FOXD3: variants seen among roughly 807,000 people sequenced by gnomAD.
FOXD3 encodes forkhead box D3.
In FOXD3, 3 loss-of-function variants were observed where a neutral mutation model predicts 3.6. The ratio of observed to expected loss-of-function variants is 0.84; its 90% CI spans 0.38 to 2.18. FOXD3 has a LOEUF of 2.18. Ranked by LOEUF, FOXD3 falls within the 30% of genes most tolerant of loss-of-function variation. The pLI is 0.06. For synonymous variants in FOXD3, 391 were observed against 360.9 expected, an observed-to-expected ratio of 1.08 and a Z score of -0.94; for missense variants, 686 against 731.6, an observed-to-expected ratio of 0.94 and a Z score of 0.72.
chr1:63,324,047 C>T lies in FOXD3; in HGVS notation c.989C>T (p.Ala330Val). The part of the protein sequence containing the change: ...LLPSGELGRK[A>V]AAFGSQLGPG... Reference sequence around the variant, plus strand: ...CCCTCGGGCGAGCTGGGCCGCAAAGCGGCCGCCTTCGGCTCACAGCTCGGC... The same window carrying T: ...CCCTCGGGCGAGCTGGGCCGCAAAGTGGCCGCCTTCGGCTCACAGCTCGGC... Residue 330 changes from alanine (A) to valine (V), a missense_variant, in exon 1 of 1, where the codon GCG becomes GTG. Physicochemically the swap from Ala to Val is moderately conservative, Grantham distance 64. This residue lies in a region of FOXD3 where 370 missense variants were observed against 372.3 expected (regional missense o/e 0.99). Transcript: ENST00000371116. The surrounding 1 kb of genome is among the most constrained non-coding windows in gnomAD (Gnocchi z 4.1). 2 of 1,383,130 alleles carry T rather than the reference C, an allele frequency of 1.4e-6. No homozygotes were observed. Among genetic ancestry groups the T allele is most frequent in the South Asian group, 3.3e-5 (2 of 60,034 alleles). The allele number at this position is 1,383,130 out of a possible 1,614,324, so 85.7% of individuals were successfully genotyped here.
In FOXD3 at chr1:63,322,803, C is replaced by G; in HGVS notation, c.-256C>G. 1 of 985,366 alleles carries G rather than the reference C, an allele frequency of 1.0e-6. No homozygotes were observed. The highest frequency in any genetic ancestry group is 4.7e-5 in the South Asian group (1 of 21,288). The allele number at this position is 985,366 out of a possible 1,614,324, so 61.0% of individuals were successfully genotyped here. Reference sequence around the variant, plus strand: ...GGGAGCGGTAGCGAGCGCCTAGTACCGAGCGCCAGGGACGGCAGGAGTTCG... The same window carrying G: ...GGGAGCGGTAGCGAGCGCCTAGTACGGAGCGCCAGGGACGGCAGGAGTTCG... On this transcript the variant is annotated 5_prime_UTR_variant, in exon 1 of 1. Coordinates refer to ENST00000371116, the MANE Select transcript of FOXD3 (RefSeq NM_012183.3).
At position 63,324,112 on chromosome 1, in the gene FOXD3, G is replaced by A; in HGVS notation, c.1054G>A (p.Ala352Thr). ...QLQLNSLGAA[A>T]AAAGTAGAAG... ...GCAGCTCAATAGCCTGGGCGCCGCCGCGGCCGCTGCGGGCACAGCGGGCGC... is the reference window on the plus strand; with the variant it reads ...GCAGCTCAATAGCCTGGGCGCCGCCACGGCCGCTGCGGGCACAGCGGGCGC... The change falls in exon 1 of 1, where the codon GCG (alanine) becomes ACG (threonine). Residue 352 changes from alanine (A) to threonine (T), a missense_variant. This residue lies in a region of FOXD3 where 370 missense variants were observed against 372.3 expected (regional missense o/e 0.99). Coordinates refer to ENST00000371116, the MANE Select transcript of FOXD3 (RefSeq NM_012183.3). The surrounding 1 kb of genome is among the most constrained non-coding windows in gnomAD (Gnocchi z 4.1). The A allele has an allele frequency of 2.8e-6, 4 of 1,430,516 alleles. No individual in the cohort carries two copies. The highest frequency in any genetic ancestry group is 3.6e-5 in the Admixed American group (1 of 27,610). The allele number at this position is 1,430,516 out of a possible 1,614,324, so 88.6% of individuals were successfully genotyped here. A position where few individuals can be genotyped will look rare whatever the true frequency, so the allele number is the denominator to read the frequency against.
Position 63,323,988 on chromosome 1 carries a change from G to A in FOXD3, c.930G>A (p.Val310=). 2.3e-6 allele frequency: 3 copies of A among 1,281,286 alleles called. No homozygotes were observed. Among genetic ancestry groups the A allele is most frequent in the Non-Finnish European group, 2.9e-6 (3 of 1,019,196 alleles). 79.4% of individuals were successfully genotyped at this position (1,281,286 alleles called of 1,614,324 possible). ...AGTACCCGTACGCGCTGCCGCCGGT[G>A]GCACCGGTGCTGCCTCCCGCTGTGC... The part of the protein sequence containing the change: ...ALQYPYALPP[V]APVLPPAVPL... Residue 310 remains valine (V), a synonymous_variant, in exon 1 of 1, where the codon GTG becomes GTA. Coordinates refer to ENST00000371116, the MANE Select transcript of FOXD3 (RefSeq NM_012183.3). The surrounding 1 kb of genome is among the most constrained non-coding windows in gnomAD (Gnocchi z 6.8).
chr1:63,324,393 G>C lies in FOXD3; in HGVS notation c.1335G>C (p.Ala445=), dbSNP rs762503325. 15 of 1,587,206 alleles carry C rather than the reference G, an allele frequency of 9.5e-6. No homozygotes were observed. The highest frequency in any genetic ancestry group is 1.7e-4 in the Middle Eastern group (1 of 6,048). Reference sequence around the variant, plus strand: ...TGAGCCGGACGACTGCCACCATCGCGCCCATTCTTAGCGTGCCACTCTCCG... The same window carrying C: ...TGAGCCGGACGACTGCCACCATCGCCCCCATTCTTAGCGTGCCACTCTCCG... ...LSLSRTTATI[A]PILSVPLSGQ... The change falls in exon 1 of 1, where the codon GCG becomes GCC. Residue 445 remains alanine (A), a synonymous_variant. Coordinates refer to ENST00000371116, the MANE Select transcript of FOXD3 (RefSeq NM_012183.3). This position sits in a 1 kb window ranked among gnomAD's most constrained non-coding sequence, Gnocchi z 4.1.
chr1:63,323,011 C>A lies in FOXD3; in HGVS notation c.-48C>A. 3 of 1,508,596 alleles carry A rather than the reference C, an allele frequency of 2.0e-6. No homozygotes were observed. The highest frequency in any genetic ancestry group is 5.3e-5 in the East Asian group (2 of 37,652). The allele number at this position is 1,508,596 out of a possible 1,614,324, so 93.5% of individuals were successfully genotyped here. A position where few individuals can be genotyped will look rare whatever the true frequency, so the allele number is the denominator to read the frequency against. ...CTCCGTGGCAGCCCCCGAACACCCT[C>A]ATCGCCCGCTGCCCCCTCCCCGCCG... On this transcript the variant is annotated 5_prime_UTR_variant, in exon 1 of 1. Coordinates refer to ENST00000371116, the MANE Select transcript of FOXD3 (RefSeq NM_012183.3). The surrounding 1 kb of genome is among the most constrained non-coding windows in gnomAD (Gnocchi z 6.8).
In FOXD3 at chr1:63,322,976, T is replaced by C; in HGVS notation, c.-83T>C. On this transcript the variant is annotated 5_prime_UTR_variant, in exon 1 of 1. Coordinates refer to ENST00000371116, the MANE Select transcript of FOXD3 (RefSeq NM_012183.3). ...ATCTTTCGGGGGCACTCAAACCCTC[T>C]TCCCCTGAGCTCCGTGGCAGCCCCC... The C allele has an allele frequency of 6.9e-7, 1 of 1,459,796 alleles. No individual in the cohort carries two copies. The allele number at this position is 1,459,796 out of a possible 1,614,324, so 90.4% of individuals were successfully genotyped here. A position where few individuals can be genotyped will look rare whatever the true frequency, so the allele number is the denominator to read the frequency against.
Position 63,323,438 on chromosome 1 carries a change from C to A in FOXD3, c.380C>A (p.Ala127Glu). 1.3e-6 allele frequency: 2 copies of A among 1,577,576 alleles called. No individual in the cohort carries two copies. Among genetic ancestry groups the A allele is most frequent in the Middle Eastern group, 2.1e-4 (1 of 4,850 alleles). The change falls in exon 1 of 1, where the codon GCG (alanine) becomes GAG (glutamate). Residue 127 changes from alanine (A) to glutamate (E), a missense_variant. By Grantham distance (107) the Ala-to-Glu change is moderately radical. This residue lies in a region of FOXD3 where 232 missense variants were observed against 214.0 expected (regional missense o/e 1.08). Coordinates refer to ENST00000371116, the MANE Select transcript of FOXD3 (RefSeq NM_012183.3). This position sits in a 1 kb window ranked among gnomAD's most constrained non-coding sequence, Gnocchi z 6.8. ...GGGPGAGSGS[A>E]GGLAPSKPKN... is the part of the protein sequence containing the mutation. The stretch of plus-strand genomic sequence containing the variant: ...GGGCCTGGCGCGGGCAGCGGTTCGG[C>A]GGGAGGCCTGGCCCCGAGCAAGCCC...
Position 63,324,077 on chromosome 1 carries a change from G to C in FOXD3, c.1019G>C (p.Gly340Ala), listed in dbSNP as rs1307638686. Reference sequence around the variant, plus strand: ...GCCTTCGGCTCACAGCTCGGCCCGGGCCTGCAGCTGCAGCTCAATAGCCTG... The same window carrying C: ...GCCTTCGGCTCACAGCTCGGCCCGGCCCTGCAGCTGCAGCTCAATAGCCTG... ...AAAFGSQLGP[G>A]LQLQLNSLGA... is the part of the protein sequence containing the mutation. The change falls in exon 1 of 1, where the codon GGC (glycine) becomes GCC (alanine). Residue 340 changes from glycine (G) to alanine (A), a missense_variant. This residue lies in a region of FOXD3 where 370 missense variants were observed against 372.3 expected (regional missense o/e 0.99). Transcript: ENST00000371116. This position sits in a 1 kb window ranked among gnomAD's most constrained non-coding sequence, Gnocchi z 4.1. 7.0e-7 allele frequency: 1 copy of C among 1,420,612 alleles called. No individual in the cohort carries two copies. Among genetic ancestry groups the C allele is most frequent in the East Asian group, 3.1e-5 (1 of 32,648 alleles). The allele number at this position is 1,420,612 out of a possible 1,614,324, so 88.0% of individuals were successfully genotyped here.
chr1:63,323,189 G>C lies in FOXD3; in HGVS notation c.131G>C (p.Cys44Ser). The change falls in exon 1 of 1, where the codon TGC (cysteine) becomes TCC (serine). Residue 44 changes from cysteine to serine, a missense_variant. Physicochemically the swap from Cys to Ser is moderately radical, Grantham distance 112. Transcript: ENST00000371116. This position sits in a 1 kb window ranked among gnomAD's most constrained non-coding sequence, Gnocchi z 6.8. ...GAAGAGAAGGACAGCGACGCAGGTT[G>C]CGATAGCCCCGCGGGGCCGCCGGAG... ...GLEEKDSDAG[C>S]DSPAGPPELR... 6.4e-7 allele frequency: 1 copy of C among 1,553,468 alleles called. No homozygotes were observed. The highest frequency in any genetic ancestry group is 2.5e-5 in the East Asian group (1 of 39,868).
chr1:63,324,499 C>A lies in FOXD3; in HGVS notation c.*4C>A. 1 of 1,532,384 alleles carries A rather than the reference C, an allele frequency of 6.5e-7. No homozygotes were observed. The highest frequency in any genetic ancestry group is 8.7e-7 in the Non-Finnish European group (1 of 1,143,664). The allele number at this position is 1,532,384 out of a possible 1,614,324, so 94.9% of individuals were successfully genotyped here. The stretch of plus-strand genomic sequence containing the variant: ...AGCCAAATGGCCGGCGCAATAGGGA[C>A]GCGCCAATGGCCGGGACCCAGGGTC... On this transcript the variant is annotated 3_prime_UTR_variant, in exon 1 of 1. Transcript: ENST00000371116. The surrounding 1 kb of genome is among the most constrained non-coding windows in gnomAD (Gnocchi z 4.1).
Position 63,322,619 on chromosome 1 carries a change from C to A in FOXD3, c.-440C>A, listed in dbSNP as rs986891849. 1.1e-4 allele frequency: 100 copies of A among 950,396 alleles called. No individual in the cohort carries two copies. The highest frequency in any genetic ancestry group is 1.2e-4 in the Non-Finnish European group (94 of 798,070). 58.9% of individuals were successfully genotyped at this position (950,396 alleles called of 1,614,324 possible). On this transcript the variant is annotated 5_prime_UTR_variant, in exon 1 of 1. Coordinates refer to ENST00000371116, the MANE Select transcript of FOXD3 (RefSeq NM_012183.3). ...GGCTTCGGCGTCCCTGACACCCAGC[C>A]CCCTGCCCCCCCGCTACTGTCCCTG...
At position 63,324,294 on chromosome 1, in the gene FOXD3, G is replaced by A; in HGVS notation, c.1236G>A (p.Thr412=). 2.0e-6 allele frequency: 3 copies of A among 1,536,392 alleles called. No individual in the cohort carries two copies. Among genetic ancestry groups the A allele is most frequent in the Non-Finnish European group, 2.6e-6 (3 of 1,150,764 alleles). Reference sequence around the variant, plus strand: ...CTGGGGGTTCAGGGGGCGGCAGCACGGCGCAGTCGTTTCTGCGGCCACCCG... The same window carrying A: ...CTGGGGGTTCAGGGGGCGGCAGCACAGCGCAGTCGTTTCTGCGGCCACCCG... The part of the protein sequence containing the change: ...GGTGGSGGGS[T]AQSFLRPPGT... The change falls in exon 1 of 1, where the codon ACG becomes ACA. Residue 412 remains threonine, a synonymous_variant. Coordinates refer to ENST00000371116, the MANE Select transcript of FOXD3 (RefSeq NM_012183.3). This position sits in a 1 kb window ranked among gnomAD's most constrained non-coding sequence, Gnocchi z 4.1.
rs773926229 is a variant in FOXD3, at chr1:63,323,044, C to A, written c.-15C>A. The A allele has an allele frequency of 9.8e-6, 15 of 1,524,872 alleles. No individual in the cohort carries two copies. In the East Asian group the frequency reaches 3.6e-4, roughly 37 times the overall value. The allele number at this position is 1,524,872 out of a possible 1,614,324, so 94.5% of individuals were successfully genotyped here. ...GCTGCCCCCTCCCCGCCGCCGCTAC[C>A]AACCCCGAGGAGGGATGACCCTCTC... On this transcript the variant is annotated 5_prime_UTR_variant, in exon 1 of 1. Transcript: ENST00000371116. This position sits in a 1 kb window ranked among gnomAD's most constrained non-coding sequence, Gnocchi z 6.8.
Position 63,323,866 on chromosome 1 carries a change from C to T in FOXD3, c.808C>T (p.Pro270Ser). 6.4e-7 allele frequency: 1 copy of T among 1,550,582 alleles called. No homozygotes were observed. The highest frequency in any genetic ancestry group is 8.7e-7 in the Non-Finnish European group (1 of 1,155,310). Residue 270 changes from proline to serine, a missense_variant, in exon 1 of 1, where the codon CCC becomes TCC. Physicochemically the swap from Pro to Ser is moderately conservative, Grantham distance 74. Transcript: ENST00000371116. The surrounding 1 kb of genome is among the most constrained non-coding windows in gnomAD (Gnocchi z 6.8). ...SLAAAAGAAG[P>S]YGRPYGLHPA... The stretch of plus-strand genomic sequence containing the variant: ...GGCGGCGGCGGCCGGCGCCGCGGGA[C>T]CCTACGGCCGCCCCTACGGCCTGCA...
In FOXD3 at chr1:63,323,199, C is replaced by T. The variant is rs751766049; in HGVS notation, c.141C>T (p.Pro47=). The T allele has an allele frequency of 8.4e-6, 13 of 1,542,496 alleles. No individual in the cohort carries two copies. The East Asian group carries it at 2.8e-4, about 34-fold the overall frequency. Residue 47 remains proline (P), a synonymous_variant, in exon 1 of 1, where the codon CCC becomes CCT. Transcript: ENST00000371116. The surrounding 1 kb of genome is among the most constrained non-coding windows in gnomAD (Gnocchi z 6.8). ...ACAGCGACGCAGGTTGCGATAGCCCCGCGGGGCCGCCGGAGCTGCGCCTGG... is the reference window on the plus strand; with the variant it reads ...ACAGCGACGCAGGTTGCGATAGCCCTGCGGGGCCGCCGGAGCTGCGCCTGG... ...EKDSDAGCDS[P]AGPPELRLDE...
In FOXD3 at chr1:63,324,735, A is replaced by G; in HGVS notation, c.*240A>G. The G allele has an allele frequency of 1.8e-6, 1 of 557,872 alleles. No homozygotes were observed. Among genetic ancestry groups the G allele is most frequent in the Non-Finnish European group, 3.2e-6 (1 of 312,458 alleles). The allele number at this position is 557,872 out of a possible 1,614,324, so 34.6% of individuals were successfully genotyped here. ...GCGCGCCCGCCGGGGATAGCTTTCC[A>G]TACAGGTAAAACCGAAAACCGAATT... On this transcript the variant is annotated 3_prime_UTR_variant, in exon 1 of 1. Transcript: ENST00000371116. This position sits in a 1 kb window ranked among gnomAD's most constrained non-coding sequence, Gnocchi z 4.1.
rs1318505961 is a variant in FOXD3 at position 63,323,322 on chromosome 1, C to T, written c.264C>T (p.Ala88=). The T allele has an allele frequency of 1.0e-5, 14 of 1,359,444 alleles. No homozygotes were observed. Among genetic ancestry groups the T allele is most frequent in the Non-Finnish European group, 1.3e-5 (14 of 1,062,078 alleles). 84.2% of individuals were successfully genotyped at this position (1,359,444 alleles called of 1,614,324 possible). The stretch of plus-strand genomic sequence containing the variant: ...CATTGCCCAAGGAGGCGGCCGGAGC[C>T]GGGGCCGGACCGGGGGGCGACGTGG... The part of the protein sequence containing the change: ...PLTLPKEAAG[A]GAGPGGDVGA... Residue 88 remains alanine (A), a synonymous_variant, in exon 1 of 1, where the codon GCC becomes GCT. Coordinates refer to ENST00000371116, the MANE Select transcript of FOXD3 (RefSeq NM_012183.3). The surrounding 1 kb of genome is among the most constrained non-coding windows in gnomAD (Gnocchi z 6.8).
Position 63,323,150 on chromosome 1 carries a change from G to A in FOXD3, c.92G>A (p.Gly31Asp). ...GTGGACATCGATGTGGTGGGCGAGG[G>A]CGACGACGGGCTGGAAGAGAAGGAC... Reference protein sequence around the residue: ...EDVDIDVVGEGDDGLEEKDSD... With the variant: ...EDVDIDVVGEDDDGLEEKDSD... Residue 31 changes from glycine to aspartate, a missense_variant, in exon 1 of 1, where the codon GGC (glycine) becomes GAC (aspartate). This residue lies in a region of FOXD3 where 232 missense variants were observed against 214.0 expected (regional missense o/e 1.08). Coordinates refer to ENST00000371116, the MANE Select transcript of FOXD3 (RefSeq NM_012183.3). The surrounding 1 kb of genome is among the most constrained non-coding windows in gnomAD (Gnocchi z 6.8). The A allele has an allele frequency of 6.4e-7, 1 of 1,569,628 alleles. No individual in the cohort carries two copies. Among genetic ancestry groups the A allele is most frequent in the Non-Finnish European group, 8.6e-7 (1 of 1,159,868 alleles).
At position 63,323,854 on chromosome 1, in the gene FOXD3, G is replaced by C. The variant is rs765929377; in HGVS notation, c.796G>C (p.Gly266Arg). The C allele has an allele frequency of 1.3e-6, 2 of 1,549,638 alleles. No homozygotes were observed. Among genetic ancestry groups the C allele is most frequent in the Non-Finnish European group, 1.7e-6 (2 of 1,155,754 alleles). The part of the protein sequence containing the change: ...FGAYSLAAAA[G>R]AAGPYGRPYG... ...CGCTTACAGCCTGGCGGCGGCGGCC[G>C]GCGCCGCGGGACCCTACGGCCGCCC... The change falls in exon 1 of 1, where the codon GGC (glycine) becomes CGC (arginine). Residue 266 changes from glycine to arginine, a missense_variant. Around this residue, in one of 3 missense-constraint regions of FOXD3, gnomAD observed 370 missense variants for 372.3 expected, o/e 0.99. Transcript: ENST00000371116. The surrounding 1 kb of genome is among the most constrained non-coding windows in gnomAD (Gnocchi z 6.8).
Sources: gnomAD v4.1 joint callset for allele counts on GRCh38, gnomAD v4.1.1 for gene constraint, gnomAD v4.1.1 regional missense constraint, Gnocchi (gnomAD v3.1) non-coding constraint, MANE v1.5 for transcripts, NCBI Gene and HGNC (gene_info 2026-07-23, HGNC 2026-07-21) for gene names.